The following RLBP1 variants were observed in gnomAD, a reference collection of about 807,000 sequenced individuals.
RLBP1 encodes the protein retinaldehyde-binding protein 1.
In RLBP1, 26 loss-of-function variants were observed where a neutral mutation model predicts 36.2. The ratio of observed to expected loss-of-function variants is 0.72; its 90% CI spans 0.53 to 1.00. The LOEUF (loss-of-function observed/expected upper bound fraction) is 1.00, where lower values mean the gene tolerates loss of function less well. RLBP1 is among the 50% of genes least tolerant of loss of function. The pLI, the probability that RLBP1 is intolerant of heterozygous loss-of-function variation, is 0.00. For missense variants in RLBP1, 410 were observed against 402.4 expected (o/e 1.02, Z -0.16); for synonymous variants, 155 against 156.2 (o/e 0.99, Z 0.06).
rs2051522700 is a variant in RLBP1, at chr15:89,209,968, ACT to A, written c.*315_*316del. ...GTTTTCACAGACTCTAAGTCGTAAA[ACT>A]CTGTTACAAAGGAAATGACTGAGAA... On this transcript the variant is annotated 3_prime_UTR_variant, in exon 9 of 9. Transcript: ENST00000268125. The A allele has an allele frequency of 2.5e-6, 1 of 407,168 alleles. No individual in the cohort carries two copies. The highest frequency in any genetic ancestry group is 2.0e-5 in the African/African-American group (1 of 49,414). The allele number at this position is 407,168 out of a possible 1,614,324, so 25.2% of individuals were successfully genotyped here. A position where few individuals can be genotyped will look rare whatever the true frequency, so the allele number is the denominator to read the frequency against.
At chr15:89,216,386 G>A (rs1424702199) in intron 5 of RLBP1, among the ~76,000 whole-genome samples, 4 of 151,514 alleles carry the variant, frequency 2.6e-5, no homozygotes, top group Non-Finnish European at 1.5e-5. Context: ...GCAATGGCAC[G>A]ATCTCAGCTC....
In RLBP1 at chr15:89,210,257, A is replaced by G; in HGVS notation, c.*28T>C. The G allele has an allele frequency of 1.2e-6, 2 of 1,613,000 alleles. No homozygotes were observed. Among genetic ancestry groups the G allele is most frequent in the Non-Finnish European group, 1.7e-6 (2 of 1,179,834 alleles). ...GTTGAGGAGAGGCCCAGAGATTCTA[A>G]CTACAGTTCAGCTGGCAGGAGATGT... On this transcript the variant is annotated 3_prime_UTR_variant, in exon 9 of 9. Coordinates refer to ENST00000268125, the MANE Select transcript of RLBP1 (RefSeq NM_000326.5). The surrounding 1 kb of genome is among the most constrained non-coding windows in gnomAD (Gnocchi z 4.7).
chr15:89,218,867 C>T lies in RLBP1; in HGVS notation c.12+97G>A. 3 of 1,529,226 alleles carry T rather than the reference C, an allele frequency of 2.0e-6. No homozygotes were observed. In the South Asian group the frequency reaches 3.4e-5, roughly 17 times the overall value. The allele number at this position is 1,529,226 out of a possible 1,614,324, so 94.7% of individuals were successfully genotyped here. ...AGAAGTGTGTGCCTATATTCCCGGG[C>T]AGAGCATAAGATAGAGAAGTAAGGA... is the stretch of plus-strand genomic sequence containing the variant. On this transcript the variant is annotated intron_variant, in intron 3 of 8. Coordinates refer to ENST00000268125, the MANE Select transcript of RLBP1 (RefSeq NM_000326.5). The surrounding 1 kb of genome is among the most constrained non-coding windows in gnomAD (Gnocchi z 4.6).
chr15:89,218,619 G>T lies in RLBP1; in HGVS notation c.87C>A (p.Asp29Glu). The T allele has an allele frequency of 6.2e-7, 1 of 1,614,256 alleles. No individual in the cohort carries two copies. The highest frequency in any genetic ancestry group is 1.3e-5 in the African/African-American group (1 of 75,072). The change falls in exon 4 of 9, where the codon GAC becomes GAA. Residue 29 changes from aspartate to glutamate, a missense_variant. By Grantham distance (45) the Asp-to-Glu change is conservative. Coordinates refer to ENST00000268125, the MANE Select transcript of RLBP1 (RefSeq NM_000326.5). This position sits in a 1 kb window ranked among gnomAD's most constrained non-coding sequence, Gnocchi z 4.6. ...RAQLEQLTTKDHGPVFGPCSQ... is the reference protein window; with the variant it reads ...RAQLEQLTTKEHGPVFGPCSQ... ...TGCACGGGCCAAAGACAGGTCCATG[G>T]TCCTTGGTTGTGAGCTGCTCCAGTT...
intron 4 of RLBP1, 58 bp from the exon 5 acceptor site, chr15:89,217,382 A>T (rs2051591355): frequency 6.5e-7 from 1 of 1,545,930 alleles, no homozygotes; most frequent in East Asian, 2.2e-5. Context: ...GGGGCAGGAC[A>T]CACAGGTGAT....
chr15:89,218,672 G>T lies in RLBP1; in HGVS notation c.34C>A (p.Pro12Thr). ...GCACGGAGCTCCTGTTCCTCTTCAG[G>T]TACCATGCGGAACGTGCCCACCTGG... ...SEGVGTFRMV[P>T]EEEQELRAQL... The change falls in exon 4 of 9, where the codon CCT becomes ACT. Residue 12 changes from proline (P) to threonine (T), a missense_variant. Physicochemically the swap from Pro to Thr is conservative, Grantham distance 38. Transcript: ENST00000268125. The surrounding 1 kb of genome is among the most constrained non-coding windows in gnomAD (Gnocchi z 4.6). 1 of 1,614,078 alleles carries T rather than the reference G, an allele frequency of 6.2e-7. No individual in the cohort carries two copies. The highest frequency in any genetic ancestry group is 2.2e-5 in the East Asian group (1 of 44,890).
Position 89,210,904 on chromosome 15 carries a change from G to T in RLBP1, c.685-95C>A. 1 of 844,570 alleles carries T rather than the reference G, an allele frequency of 1.2e-6. No homozygotes were observed. The highest frequency in any genetic ancestry group is 1.7e-5 in the African/African-American group (1 of 59,250). 52.3% of individuals were successfully genotyped at this position (844,570 alleles called of 1,614,324 possible). The stretch of plus-strand genomic sequence containing the variant: ...CTGCCTCTCCTCATGGCATAGAACA[G>T]ACTTGTCCAGCATCACAGGGCTGCC... On this transcript the variant is annotated intron_variant, in intron 7 of 8. Transcript: ENST00000268125. The surrounding 1 kb of genome is among the most constrained non-coding windows in gnomAD (Gnocchi z 4.7).
Position 89,210,557 on chromosome 15 carries a change from C to T in RLBP1, c.796-114G>A, listed in dbSNP as rs11856013. ...CCCATCATGTGCAGTCTTTGCCTGG[C>T]GACACCTCTCTCCGCAGGTCTCCAT... On this transcript the variant is annotated intron_variant, in intron 8 of 8. Transcript: ENST00000268125. The surrounding 1 kb of genome is among the most constrained non-coding windows in gnomAD (Gnocchi z 4.7). 2.7e-3 allele frequency: 3,537 copies of T among 1,316,060 alleles called. 87 individuals are homozygous for T. The African/African-American group carries it at 0.042, about 15-fold the overall frequency. 81.5% of individuals were successfully genotyped at this position (1,316,060 alleles called of 1,614,324 possible).
chr15:89,210,099 G>C lies in RLBP1; in HGVS notation c.*186C>G. 1 of 650,410 alleles carries C rather than the reference G, an allele frequency of 1.5e-6. No individual in the cohort carries two copies. Among genetic ancestry groups the C allele is most frequent in the Admixed American group, 2.5e-5 (1 of 39,912 alleles). The allele number at this position is 650,410 out of a possible 1,614,324, so 40.3% of individuals were successfully genotyped here. A position where few individuals can be genotyped will look rare whatever the true frequency, so the allele number is the denominator to read the frequency against. On this transcript the variant is annotated 3_prime_UTR_variant, in exon 9 of 9. Transcript: ENST00000268125. The surrounding 1 kb of genome is among the most constrained non-coding windows in gnomAD (Gnocchi z 4.7). ...TATCCCCAGTTCTTCTTGTTCAAGG[G>C]AATTCCCCCTCCTTTATTACCCATC... is the stretch of plus-strand genomic sequence containing the variant.
chr15:89,212,460 T>G (rs2051546138), intron 6 of RLBP1, among the ~76,000 whole-genome samples: 2 of 151,634 alleles, frequency 1.3e-5, no homozygotes, highest in African/African-American at 4.8e-5. Flanking sequence ...GGCAGGCACC[T>G]GTAATCCCAG....
chr15:89,217,821 G>C (rs1336905994), intron 4 of RLBP1, among the ~76,000 whole-genome samples: 3 of 152,140 alleles, frequency 2.0e-5, no homozygotes, highest in Non-Finnish European at 4.4e-5. Flanking sequence ...CAAAAACACG[G>C]CTCTCTGGCA....
Position 89,210,675 on chromosome 15 carries a change from TGTCTGGGCGGCCCAC to T in RLBP1, c.795+9_795+23del. 6.6e-7 allele frequency: 1 copy of T among 1,517,442 alleles called. No individual in the cohort carries two copies. The highest frequency in any genetic ancestry group is 9.0e-7 in the Non-Finnish European group (1 of 1,107,688). The allele number at this position is 1,517,442 out of a possible 1,614,324, so 94.0% of individuals were successfully genotyped here. A position where few individuals can be genotyped will look rare whatever the true frequency, so the allele number is the denominator to read the frequency against. Reference sequence around the variant, plus strand: ...CCCACCCTCAGCCCTCTTGTCTCATTGTCTGGGCGGCCCACGTACTCACCCTCTCAAGCAGCTTGC... The same window carrying T: ...CCCACCCTCAGCCCTCTTGTCTCATTGTACTCACCCTCTCAAGCAGCTTGC... On this transcript the variant is annotated intron_variant, in intron 8 of 8. Transcript: ENST00000268125. This position sits in a 1 kb window ranked among gnomAD's most constrained non-coding sequence, Gnocchi z 4.7.
rs1412617865 is a variant in RLBP1, at chr15:89,211,856, C to G, written c.571G>C (p.Glu191Gln). Reference sequence around the variant, plus strand: ...CAGAAGCCATTGATTTGAGTTTCCTCATTCTCCAGCAGCTTCTCCAGGATG... The same window carrying G: ...CAGAAGCCATTGATTTGAGTTTCCTGATTCTCCAGCAGCTTCTCCAGGATG... ...CFILEKLLEN[E>Q]ETQINGFCII... The change falls in exon 7 of 9, where the codon GAG (glutamate) becomes CAG (glutamine). Residue 191 changes from glutamate to glutamine, a missense_variant. Glu to Gln is a conservative substitution (Grantham distance 29). Transcript: ENST00000268125. The surrounding 1 kb of genome is among the most constrained non-coding windows in gnomAD (Gnocchi z 5.8). 6.2e-7 allele frequency: 1 copy of G among 1,614,224 alleles called. No individual in the cohort carries two copies. The highest frequency in any genetic ancestry group is 8.5e-7 in the Non-Finnish European group (1 of 1,180,038).
chr15:89,215,215 A>G lies in RLBP1; in HGVS notation c.370T>C (p.Tyr124His), dbSNP rs775130558. The change falls in exon 6 of 9, where the codon TAC (tyrosine) becomes CAC (histidine). Residue 124 changes from tyrosine to histidine, a missense_variant. Coordinates refer to ENST00000268125, the MANE Select transcript of RLBP1 (RefSeq NM_000326.5). ...LRGYVNFRLQ[Y>H]PELFDSLSPE... Reference sequence around the variant, plus strand: ...GACAGGCTGTCAAAGAGCTCAGGGTACTGCAGCCGGAAATTCACATAGCCT... The same window carrying G: ...GACAGGCTGTCAAAGAGCTCAGGGTGCTGCAGCCGGAAATTCACATAGCCT... 5.6e-6 allele frequency: 9 copies of G among 1,614,128 alleles called. No homozygotes were observed. The highest frequency in any genetic ancestry group is 6.8e-6 in the Non-Finnish European group (8 of 1,180,008).
rs1333295875 is a variant in RLBP1, at chr15:89,211,861, T to G, written c.566A>C (p.Glu189Ala). Reference sequence around the variant, plus strand: ...GCCATTGATTTGAGTTTCCTCATTCTCCAGCAGCTTCTCCAGGATGAAGCA... The same window carrying G: ...GCCATTGATTTGAGTTTCCTCATTCGCCAGCAGCTTCTCCAGGATGAAGCA... ...AYCFILEKLL[E>A]NEETQINGFC... Residue 189 changes from glutamate (E) to alanine (A), a missense_variant, in exon 7 of 9, where the codon GAG becomes GCG. By Grantham distance (107) the Glu-to-Ala change is moderately radical. Coordinates refer to ENST00000268125, the MANE Select transcript of RLBP1 (RefSeq NM_000326.5). The surrounding 1 kb of genome is among the most constrained non-coding windows in gnomAD (Gnocchi z 5.8). The G allele has an allele frequency of 6.2e-7, 1 of 1,614,254 alleles. No individual in the cohort carries two copies. The highest frequency in any genetic ancestry group is 1.7e-5 in the Admixed American group (1 of 60,030).
intron 6 of RLBP1, among the ~76,000 whole-genome samples, chr15:89,213,024 C>A (rs560194697): frequency 1.3e-5 from 2 of 152,140 alleles, no homozygotes; most frequent in African/African-American, 4.8e-5. Flanking sequence ...TGAGCCACTG[C>A]GCCCAGCCAA....
chr15:89,215,099 G>A lies in RLBP1; in HGVS notation c.486C>T (p.Asn162=), dbSNP rs748143387. 1 of 1,614,232 alleles carries A rather than the reference G, an allele frequency of 6.2e-7. No homozygotes were observed. The highest frequency in any genetic ancestry group is 8.5e-7 in the Non-Finnish European group (1 of 1,180,046). The change falls in exon 6 of 9, where the codon AAC becomes AAT. Residue 162 remains asparagine, a synonymous_variant. Coordinates refer to ENST00000268125, the MANE Select transcript of RLBP1 (RefSeq NM_000326.5). ...DKYGRVVMLF[N]IENWQSQEIT... ...TTTCTTGACTTTGCCAGTTCTCAAT[G>A]TTGAAGAGCATGACCACTCGGCCAT... is the stretch of plus-strand genomic sequence containing the variant.
chr15:89,213,815 A>G (rs1307468705), intron 6 of RLBP1, among the ~76,000 whole-genome samples: 2 of 152,210 alleles, frequency 1.3e-5, no homozygotes. Flanking sequence ...TTTATGTTTA[A>G]TATTATCCCC....
chr15:89,211,951 AAGGCTTG>A lies in RLBP1; in HGVS notation c.526-57_526-51del. ...TAAGATCTAACCCGCAACAATAATT[AAGGCTTG>A]AGGTCCTGAGGGGAGAGCTAATTGG... On this transcript the variant is annotated intron_variant, in intron 6 of 8. Coordinates refer to ENST00000268125, the MANE Select transcript of RLBP1 (RefSeq NM_000326.5). The surrounding 1 kb of genome is among the most constrained non-coding windows in gnomAD (Gnocchi z 5.8). 1.9e-6 allele frequency: 3 copies of A among 1,603,266 alleles called. No homozygotes were observed. Among genetic ancestry groups the A allele is most frequent in the Non-Finnish European group, 2.6e-6 (3 of 1,171,762 alleles).
Sources: allele counts gnomAD v4.1 joint callset (sites outside exome capture counted in the v4.1 genomes callset), GRCh38; gene constraint gnomAD v4.1.1; non-coding constraint Gnocchi (gnomAD v3.1); transcripts MANE v1.5; gene names NCBI Gene and HGNC (gene_info 2026-07-23, HGNC 2026-07-21).